Variants in UBE2D2 observed in about 807,000 individuals in gnomAD.
UBE2D2 encodes ubiquitin conjugating enzyme E2 D2.
In UBE2D2, 2 loss-of-function variants were observed where a neutral mutation model predicts 24.2. The ratio of observed to expected loss-of-function variants is 0.08; its 90% CI spans 0.03 to 0.26. UBE2D2 has a LOEUF of 0.26. Among genes scored for constraint, UBE2D2 ranks in the 10% least tolerant of loss-of-function variants. The pLI, the probability that UBE2D2 is intolerant of heterozygous loss-of-function variation, is 1.00. For synonymous variants in UBE2D2, 58 were observed against 56.5 expected (o/e 1.03, Z -0.12); for missense variants, 44 against 177.6 (o/e 0.25, Z 4.28).
At chr5:139,547,043 C>T (rs2126635897) in intron 1 of UBE2D2, among the ~76,000 whole-genome samples, 1 of 151,912 alleles carries the variant, frequency 6.6e-6, no homozygotes, top group Non-Finnish European at 1.5e-5. Flanking sequence ...GTAATCCCAG[C>T]ATTTTGGGAG....
intron 6 of UBE2D2, among the ~76,000 whole-genome samples, chr5:139,625,408 C>G (rs1754599791): frequency 8.0e-6 from 1 of 125,408 alleles, no homozygotes; most frequent in Non-Finnish European, 1.6e-5. Context: ...AGTTACCGTG[C>G]AAGGCCAGCA....
chr5:139,623,685 C>CT (rs932615006), intron 6 of UBE2D2: 2,190 of 362,726 alleles, frequency 6.0e-3, no homozygotes, highest in South Asian at 8.9e-3. Flanking sequence ...TCTACAAAAA[C>CT]TTTTTTTTTT....
intron 6 of UBE2D2, among the ~76,000 whole-genome samples, chr5:139,626,257 A>G (rs749271420): frequency 8.6e-5 from 13 of 151,986 alleles, no homozygotes; most frequent in Admixed American, 5.2e-4. Context: ...TTTTGTAGAG[A>G]CAGGGTTTTA....
At chr5:139,528,031 C>T (rs1413544821) in intron 1 of UBE2D2, among the ~76,000 whole-genome samples, 1 of 152,260 alleles carries the variant, frequency 6.6e-6, no homozygotes, top group Non-Finnish European at 1.5e-5. Context: ...CAAGCTCTCT[C>T]TGCTATATCC....
intron 6 of UBE2D2, among the ~76,000 whole-genome samples, chr5:139,624,893 G>C (rs1754582205): frequency 6.6e-6 from 1 of 152,172 alleles, no homozygotes; most frequent in Non-Finnish European, 1.5e-5. Context: ...TTTCCTATTT[G>C]TGAATTTATT....
At chr5:139,599,778 G>A (rs936412481) in intron 1 of UBE2D2, among the ~76,000 whole-genome samples, 1 of 151,768 alleles carries the variant, frequency 6.6e-6, no homozygotes, top group Non-Finnish European at 1.5e-5. Context: ...AGTATTTTTG[G>A]CTCTTTAATA....
intron 1 of UBE2D2, among the ~76,000 whole-genome samples, chr5:139,531,423 T>A (rs928675046): frequency 1.3e-5 from 2 of 152,176 alleles, no homozygotes; most frequent in Non-Finnish European, 2.9e-5. Flanking sequence ...ATCTTTAGTG[T>A]TGTGAGCCCT....
At chr5:139,581,547 A>G (rs1753603118) in intron 1 of UBE2D2, among the ~76,000 whole-genome samples, 1 of 151,714 alleles carries the variant, frequency 6.6e-6, no homozygotes, top group East Asian at 1.9e-4. Context: ...ATATTTGCAT[A>G]TACATAATGA....
intron 1 of UBE2D2, among the ~76,000 whole-genome samples, chr5:139,532,498 C>T (rs543503595): frequency 2.6e-5 from 4 of 152,094 alleles, no homozygotes; most frequent in African/African-American, 7.2e-5. Flanking sequence ...ACTACAGGTG[C>T]CCGACATCAC....
chr5:139,558,476 GA>G (rs1291351979), upstream of UBE2D2, among the ~76,000 whole-genome samples: 2 of 152,132 alleles, frequency 1.3e-5, no homozygotes, highest in African/African-American at 4.8e-5. Context: ...TTTTGGTAGA[GA>G]CGGGGTTTCA....
intron 1 of UBE2D2, among the ~76,000 whole-genome samples, chr5:139,583,669 G>A (rs2126667935): frequency 6.6e-6 from 1 of 152,316 alleles, no homozygotes; most frequent in East Asian, 1.9e-4. Context: ...GGCTGAGACA[G>A]GAGAATTGCT....
intron 1 of UBE2D2, among the ~76,000 whole-genome samples, chr5:139,538,804 C>T (rs949135129): frequency 4.0e-5 from 6 of 149,662 alleles, no homozygotes; most frequent in African/African-American, 1.5e-4. Context: ...ACCCAGGAGG[C>T]GGAGGTTGCG....
At chr5:139,545,255 G>A (rs1752810671) in intron 1 of UBE2D2, among the ~76,000 whole-genome samples, 1 of 151,928 alleles carries the variant, frequency 6.6e-6, no homozygotes, top group Non-Finnish European at 1.5e-5. Context: ...TTTTAGATAT[G>A]ATAGGGATCT....
intron 1 of UBE2D2, chr5:139,562,295 C>T (rs1243458492): frequency 7.4e-7 from 1 of 1,352,376 alleles, no homozygotes; most frequent in African/African-American, 1.5e-5. Flanking sequence ...GCCGTTTTGC[C>T]CGATCCACAA....
chr5:139,592,476 G>A (rs1162284723), intron 1 of UBE2D2, among the ~76,000 whole-genome samples: 3 of 152,054 alleles, frequency 2.0e-5, no homozygotes, highest in African/African-American at 7.2e-5. Context: ...TGGTAGTTGT[G>A]GGGTAGAGCC....
At chr5:139,585,799 G>A (rs1482954507) in intron 1 of UBE2D2, among the ~76,000 whole-genome samples, 2 of 151,628 alleles carry the variant, frequency 1.3e-5, no homozygotes, top group African/African-American at 4.8e-5. Context: ...TTAACTTTTG[G>A]TAGTTGTGGA....
chr5:139,626,813 A>G lies in UBE2D2; in HGVS notation c.*12A>G. ...AGTATGCGATGTAATTAAAGAAATT[A>G]TTGGATAACCTCTACAAATAAAGAT... On this transcript the variant is annotated 3_prime_UTR_variant, in exon 7 of 7. Transcript: ENST00000398733. The G allele has an allele frequency of 6.2e-7, 1 of 1,610,226 alleles. No individual in the cohort carries two copies. The highest frequency in any genetic ancestry group is 1.3e-5 in the African/African-American group (1 of 74,920).
At position 139,628,123 on chromosome 5, in the gene UBE2D2, T is replaced by C. The variant is rs2126714520; in HGVS notation, c.*1322T>C. On this transcript the variant is annotated 3_prime_UTR_variant, in exon 7 of 7. Coordinates refer to ENST00000398733, the MANE Select transcript of UBE2D2 (RefSeq NM_003339.3). ...CAAGAGCACAGTCTTGTTTGGAGAG[T>C]CTACATAATTACTTTGCACTAACAT... The C allele has an allele frequency of 6.6e-6, 1 of 152,656 alleles. No individual in the cohort carries two copies. Among genetic ancestry groups the C allele is most frequent in the East Asian group, 1.9e-4 (1 of 5,178 alleles). 9.5% of individuals were successfully genotyped at this position (152,656 alleles called of 1,614,324 possible). A position where few individuals can be genotyped will look rare whatever the true frequency, so the allele number is the denominator to read the frequency against.
intron 1 of UBE2D2, among the ~76,000 whole-genome samples, chr5:139,566,691 A>G (rs549832278): frequency 6.6e-6 from 1 of 152,198 alleles, no homozygotes; most frequent in East Asian, 1.9e-4. Context: ...ACAAACAAAC[A>G]AAAAGATTTC....
Sources: allele counts gnomAD v4.1 joint callset (sites outside exome capture counted in the v4.1 genomes callset), GRCh38; gene constraint gnomAD v4.1.1; transcripts MANE v1.5; gene names NCBI Gene and HGNC (gene_info 2026-07-23, HGNC 2026-07-21).